The following RGS6 variants were observed in gnomAD, a reference collection of about 807,000 sequenced individuals.
The protein encoded by RGS6 is regulator of G-protein signaling 6.
In RGS6, 30 loss-of-function variants were observed where a neutral mutation model predicts 78.5. That is an observed-to-expected ratio of 0.38 (90% CI 0.29 to 0.52). The LOEUF (loss-of-function observed/expected upper bound fraction) is 0.52, where lower values mean the gene tolerates loss of function less well. Among genes scored for constraint, RGS6 ranks in the 20% least tolerant of loss-of-function variants. The pLI, the probability that RGS6 is intolerant of heterozygous loss-of-function variation, is 0.85. For synonymous variants in RGS6, 206 were observed against 206.0 expected, an observed-to-expected ratio of 1.00 and a Z score of 0.00; for missense variants, 495 against 609.7, an observed-to-expected ratio of 0.81 and a Z score of 1.98.
At chr14:71,902,385 A>T in the RGS6 span, among the ~76,000 whole-genome samples, 126,372 of 152,150 alleles carry the variant, frequency 0.83, 52,682 homozygotes, top group African/African-American at 0.85. Flanking sequence ...GAAAAAGCAA[A>T]ACCTTTTTTG....
intron 3 of RGS6, among the ~76,000 whole-genome samples, chr14:72,445,214 C>T (rs916798271): frequency 9.2e-5 from 14 of 152,182 alleles, no homozygotes; most frequent in Admixed American, 2.0e-4. Flanking sequence ...TTTTTTGAGA[C>T]GGAGTCTCAT....
chr14:72,158,329 A>C (rs1013768540), intron 2 of RGS6, among the ~76,000 whole-genome samples: 1 of 152,158 alleles, frequency 6.6e-6, no homozygotes, highest in African/African-American at 2.4e-5. Context: ...GACACCAGTC[A>C]TATTGGATTA....
intron 13 of RGS6, among the ~76,000 whole-genome samples, chr14:72,501,928 A>G (rs2096732393): frequency 6.6e-6 from 1 of 152,242 alleles, no homozygotes; most frequent in African/African-American, 2.4e-5. Flanking sequence ...CGAGTTTGAC[A>G]GAACTATTAA....
chr14:71,932,526 C>G lies in RGS6; in HGVS notation c.-436C>G, dbSNP rs910311469. 2.4e-4 allele frequency: 36 copies of G among 152,156 alleles called. No individual in the cohort carries two copies. Among genetic ancestry groups the G allele is most frequent in the African/African-American group, 8.2e-4 (34 of 41,552 alleles). 9.4% of individuals were successfully genotyped at this position (152,156 alleles called of 1,614,324 possible). A position where few individuals can be genotyped will look rare whatever the true frequency, so the allele number is the denominator to read the frequency against. On this transcript the variant is annotated 5_prime_UTR_variant, in exon 1 of 18. Coordinates refer to ENST00000553525, the MANE Select transcript of RGS6 (RefSeq NM_001204424.2). ...GCGTTCCTACAGCCGCCGGAGCCGCCAGGCGCCGAGGGAACGGACAGACCT... is the reference window on the plus strand; with the variant it reads ...GCGTTCCTACAGCCGCCGGAGCCGCGAGGCGCCGAGGGAACGGACAGACCT...
At chr14:72,170,775 G>C (rs2097001980) in intron 2 of RGS6, among the ~76,000 whole-genome samples, 1 of 152,192 alleles carries the variant, frequency 6.6e-6, no homozygotes, top group South Asian at 2.1e-4. Context: ...ACCTATGACA[G>C]GTACAGAAAA....
chr14:71,913,052 A>C, the RGS6 span, among the ~76,000 whole-genome samples: 106,265 of 151,714 alleles, frequency 0.7, 37,534 homozygotes, highest in South Asian at 0.75. Flanking sequence ...TGGTTTCGAT[A>C]CCCTGACCTC....
chr14:72,197,114 G>T (rs1275412418), intron 2 of RGS6, among the ~76,000 whole-genome samples: 1 of 152,126 alleles, frequency 6.6e-6, no homozygotes, highest in African/African-American at 2.4e-5. Context: ...TGCCCAGGCT[G>T]GAGTGCAGTG....
intron 1 of RGS6, among the ~76,000 whole-genome samples, chr14:71,951,731 A>G (rs1456453798): frequency 6.6e-6 from 1 of 152,172 alleles, no homozygotes; most frequent in African/African-American, 2.4e-5. Context: ...TAATCCATTA[A>G]TATGGAATAT....
chr14:72,586,587 CT>C, the RGS6 span, among the ~76,000 whole-genome samples: 2 of 152,172 alleles, frequency 1.3e-5, no homozygotes, highest in Non-Finnish European at 2.9e-5. Flanking sequence ...GATACTGATC[CT>C]TTCGACACAG....
intron 2 of RGS6, among the ~76,000 whole-genome samples, chr14:72,034,252 T>A (rs1401394396): frequency 6.6e-6 from 1 of 152,164 alleles, no homozygotes; most frequent in Non-Finnish European, 1.5e-5. Context: ...GTTTCTGAAC[T>A]TAAAGGAAAA....
intron 2 of RGS6, among the ~76,000 whole-genome samples, chr14:72,284,845 G>T (rs2062222225): frequency 6.6e-6 from 1 of 152,194 alleles, no homozygotes; most frequent in African/African-American, 2.4e-5. Context: ...AGCCACAAGG[G>T]TGGGGCTGCC....
chr14:72,289,200 G>A (rs1197697196), intron 2 of RGS6, among the ~76,000 whole-genome samples: 1 of 152,102 alleles, frequency 6.6e-6, no homozygotes, highest in Non-Finnish European at 1.5e-5. Flanking sequence ...TTTACTGTCT[G>A]GTTACTTACT....
intron 1 of RGS6, among the ~76,000 whole-genome samples, chr14:71,959,133 A>T (rs2093011051): frequency 1.3e-5 from 2 of 152,166 alleles, no homozygotes; most frequent in African/African-American, 4.8e-5. Context: ...CTTCGAATAT[A>T]TAGGAAATGT....
chr14:72,515,313 A>C (rs1415339686), intron 14 of RGS6, among the ~76,000 whole-genome samples: 3 of 151,610 alleles, frequency 2.0e-5, no homozygotes. Context: ...GTACTTAAAA[A>C]AATTCTTGGT....
At chr14:72,544,937 TCAGGGCAGTCAGCCAAC>T (rs888283135) in intron 17 of RGS6, among the ~76,000 whole-genome samples, 1 of 152,074 alleles carries the variant, frequency 6.6e-6, no homozygotes. Flanking sequence ...AGGCAGGCAA[TCAGGGCAGTCAGCCAAC>T]CGGCAGAAGC....
At chr14:72,217,121 G>T (rs910262077) in intron 2 of RGS6, among the ~76,000 whole-genome samples, 1 of 152,130 alleles carries the variant, frequency 6.6e-6, no homozygotes, top group Non-Finnish European at 1.5e-5. Flanking sequence ...CAAAGATAAG[G>T]TAAATCAAAG....
rs142301070 is a variant in RGS6 at position 72,505,366 on chromosome 14, C to T, written c.966-4788C>T. ...TTCTAGTTCATAGATGGCTGTCTTC[C>T]TGCTGTGTCTTCACATGACAGAAGG... On this transcript the variant is annotated intron_variant, in intron 13 of 17. Coordinates refer to ENST00000553525, the MANE Select transcript of RGS6 (RefSeq NM_001204424.2). Among the ~76,000 whole-genome samples, 360 of 152,272 alleles carry T rather than the reference C, an allele frequency of 2.4e-3. 3 individuals carry two copies. Among genetic ancestry groups the T allele is most frequent in the African/African-American group, 8.2e-3 (339 of 41,546 alleles).
intron 2 of RGS6, among the ~76,000 whole-genome samples, chr14:72,294,968 G>C (rs1283711460): frequency 6.6e-6 from 1 of 152,190 alleles, no homozygotes; most frequent in African/African-American, 2.4e-5. Flanking sequence ...AGGAAACTTG[G>C]TATGCTTTTG....
chr14:72,373,607 G>A (rs922223786), intron 3 of RGS6, among the ~76,000 whole-genome samples: 4 of 152,216 alleles, frequency 2.6e-5, no homozygotes, highest in African/African-American at 4.8e-5. Flanking sequence ...AGAGACTCCT[G>A]AAGAGCAATA....
Sources: allele counts gnomAD v4.1 joint callset (sites outside exome capture counted in the v4.1 genomes callset), GRCh38; gene constraint gnomAD v4.1.1; transcripts MANE v1.5; gene names NCBI Gene and HGNC (gene_info 2026-07-23, HGNC 2026-07-21).